Variants in PATJ observed in about 807,000 individuals in gnomAD.
PATJ encodes inaD-like protein.
Under a neutral mutation model 224.9 loss-of-function variants are expected in PATJ, and 190 were observed. The ratio of observed to expected loss-of-function variants is 0.84; its 90% CI spans 0.75 to 0.95. The LOEUF is 0.95. Ranked by LOEUF, PATJ falls within the 40% of genes least tolerant of loss-of-function variation. PATJ has a pLI of 0.00. For synonymous variants in PATJ, 769 were observed against 820.3 expected, an observed-to-expected ratio of 0.94 and a Z score of 1.07; for missense variants, 2,121 against 2,270.3, an observed-to-expected ratio of 0.93 and a Z score of 1.34.
At chr1:61,849,472 G>A (rs1662478519) in intron 17 of PATJ, among the ~76,000 whole-genome samples, 1 of 152,014 alleles carries the variant, frequency 6.6e-6, no homozygotes, top group African/African-American at 2.4e-5. Context: ...GTACACTTGT[G>A]GTCCCAGCTA....
intron 13 of PATJ, among the ~76,000 whole-genome samples, chr1:61,807,049 G>A (rs1653718406): frequency 6.6e-6 from 1 of 152,096 alleles, no homozygotes; most frequent in Non-Finnish European, 1.5e-5. Context: ...CTACTCAGGA[G>A]GCTGAGGCAG....
At chr1:62,159,855 T>C (rs1319921797) in intron 43 of PATJ, among the ~76,000 whole-genome samples, 2 of 152,118 alleles carry the variant, frequency 1.3e-5, no homozygotes, top group Non-Finnish European at 2.9e-5. Context: ...GTTTTGAATA[T>C]TCTTTATTGC....
rs776382022 is a variant in PATJ, at chr1:62,007,943, A to C, written c.3868-9913A>C. The stretch of plus-strand genomic sequence containing the variant: ...GCAGAGGGACATAAAAATTCAGCCC[A>C]TAACAATAGCTTCACCAAAAAAGTA... On this transcript the variant is annotated intron_variant, in intron 28 of 43. Coordinates refer to ENST00000642238, the MANE Select transcript of PATJ (RefSeq NM_001350145.3). Among the ~76,000 whole-genome samples, 85 of 152,222 alleles carry C rather than the reference A, an allele frequency of 5.6e-4. 1 individual carries two copies. The highest frequency in any genetic ancestry group is 1.1e-3 in the Non-Finnish European group (73 of 68,040).
intron 27 of PATJ, among the ~76,000 whole-genome samples, chr1:61,937,822 G>A (rs944489234): frequency 1.3e-5 from 2 of 152,050 alleles, no homozygotes; most frequent in Non-Finnish European, 1.5e-5. Context: ...GGCTAATTTT[G>A]TGTTTTTAGT....
intron 20 of PATJ, among the ~76,000 whole-genome samples, chr1:61,873,885 T>C (rs993162421): frequency 3.3e-5 from 5 of 152,196 alleles, no homozygotes; most frequent in Non-Finnish European, 7.3e-5. Context: ...CCTGGCCTCT[T>C]CAGCTGCTGT....
intron 27 of PATJ, among the ~76,000 whole-genome samples, chr1:61,976,910 A>G (rs1273366488): frequency 6.6e-6 from 1 of 151,948 alleles, no homozygotes; most frequent in Admixed American, 6.6e-5. Flanking sequence ...CATTTTATTC[A>G]TACACATGCA....
In PATJ at chr1:61,797,224, T is replaced by C. The variant is rs2148556163; in HGVS notation, c.1261-63T>C. The C allele has an allele frequency of 5.9e-6, 9 of 1,538,212 alleles. No homozygotes were observed. The South Asian group carries it at 1.1e-4, about 18-fold the overall frequency. On this transcript the variant is annotated intron_variant, in intron 10 of 43. Coordinates refer to ENST00000642238, the MANE Select transcript of PATJ (RefSeq NM_001350145.3). ...GAAATTGCCTCATTTTATTCAGTGT[T>C]GCCAGAGCTAAAAATAGTAGCTAAT...
At position 61,997,982 on chromosome 1, in the gene PATJ, T is replaced by TTTTATATATATA. The variant is rs374175697; in HGVS notation, c.3867+7619_3867+7620insTTATATATATAT. On this transcript the variant is annotated intron_variant, in intron 28 of 43. Coordinates refer to ENST00000642238, the MANE Select transcript of PATJ (RefSeq NM_001350145.3). Reference sequence around the variant, plus strand: ...ATAGGTGCATGCCACTGTGCCCAGCTTATATATGTATATATAATATATTAT... The same window carrying TTTTATATATATA: ...ATAGGTGCATGCCACTGTGCCCAGCTTTTATATATATATATATATGTATATATAATATATTAT... Among the ~76,000 whole-genome samples the TTTTATATATATA allele has an allele frequency of 3.0e-3, 352 of 118,276 alleles. 8 individuals are homozygous for TTTTATATATATA. Among genetic ancestry groups the TTTTATATATATA allele is most frequent in the African/African-American group, 0.011 (284 of 25,460 alleles). The allele number at this position is 118,276 out of a possible 152,430, so 77.6% of individuals were successfully genotyped here.
In PATJ at chr1:62,080,924, G is replaced by A. The variant is rs74076515; in HGVS notation, c.4243+1357G>A. ...GTGTATGGTCTACAAGCTAAAAAAG[G>A]TGTTCACTTTTTAAAGGTTGAAAAA... On this transcript the variant is annotated intron_variant, in intron 32 of 43. Transcript: ENST00000642238. 1.4e-3 allele frequency among the ~76,000 whole-genome samples: 215 copies of A among 152,194 alleles called. 1 individual carries two copies. The highest frequency in any genetic ancestry group is 5.0e-3 in the African/African-American group (207 of 41,522).
Position 61,787,741 on chromosome 1 carries a change from C to G in PATJ, c.850-13C>G. ...CATTTATTTCTCAAAATAATTTTGT[C>G]TTTTTCTTGAAGGATGGAAGACTCC... On this transcript the variant is annotated splice_polypyrimidine_tract_variant and intron_variant, in intron 7 of 43. Coordinates refer to ENST00000642238, the MANE Select transcript of PATJ (RefSeq NM_001350145.3). 2 of 1,594,662 alleles carry G rather than the reference C, an allele frequency of 1.3e-6. No homozygotes were observed. Among genetic ancestry groups the G allele is most frequent in the Non-Finnish European group, 1.7e-6 (2 of 1,162,780 alleles).
chr1:61,751,036 C>G (rs1645293900), intron 1 of PATJ, among the ~76,000 whole-genome samples: 1 of 144,430 alleles, frequency 6.9e-6, no homozygotes, highest in African/African-American at 2.6e-5. Context: ...GTCTCACACT[C>G]TGTTGCCCAG....
chr1:61,983,495 CTT>C (rs1644560302), intron 27 of PATJ, among the ~76,000 whole-genome samples: 1 of 151,970 alleles, frequency 6.6e-6, no homozygotes. Context: ...AAAGAGGAAA[CTT>C]TTACTTCTTT....
chr1:62,075,496 A>C (rs1447757870), intron 31 of PATJ, among the ~76,000 whole-genome samples: 1 of 152,246 alleles, frequency 6.6e-6, no homozygotes, highest in Non-Finnish European at 1.5e-5. Context: ...TGGGGCGGTC[A>C]AGTGACTTGT....
chr1:61,836,951 G>A (rs1171235609), intron 17 of PATJ, among the ~76,000 whole-genome samples: 1 of 152,172 alleles, frequency 6.6e-6, no homozygotes, highest in Non-Finnish European at 1.5e-5. Context: ...GAACTTTTAC[G>A]TTGTAAAGGG....
At chr1:61,816,410 ACAAAT>A (rs1049028565) in intron 14 of PATJ, 5 of 152,218 alleles carry the variant, frequency 3.3e-5, no homozygotes, top group African/African-American at 1.2e-4. Context: ...GAATTAGGAA[ACAAAT>A]CATATGCTTG....
chr1:61,782,859 A>G (rs1647629222), intron 7 of PATJ, among the ~76,000 whole-genome samples: 1 of 152,162 alleles, frequency 6.6e-6, no homozygotes, highest in Non-Finnish European at 1.5e-5. Context: ...AAAACCCTTG[A>G]AGTGCAGAAA....
At position 61,899,658 on chromosome 1, in the gene PATJ, T is replaced by C; in HGVS notation, c.3203+4T>C. 6.3e-7 allele frequency: 1 copy of C among 1,596,974 alleles called. No homozygotes were observed. The highest frequency in any genetic ancestry group is 8.5e-7 in the Non-Finnish European group (1 of 1,169,940). Reference sequence around the variant, plus strand: ...GCCACTGGGGTCCACCGAGAATGTATGTGGATGACATTATTGTGGCTTTCT... The same window carrying C: ...GCCACTGGGGTCCACCGAGAATGTACGTGGATGACATTATTGTGGCTTTCT... On this transcript the variant is annotated splice_donor_region_variant and intron_variant, in intron 23 of 43. Coordinates refer to ENST00000642238, the MANE Select transcript of PATJ (RefSeq NM_001350145.3).
chr1:62,067,578 C>T (rs902612511), intron 31 of PATJ, among the ~76,000 whole-genome samples: 1 of 152,160 alleles, frequency 6.6e-6, no homozygotes, highest in African/African-American at 2.4e-5. Context: ...TTACTATGGC[C>T]TACATGCAGG....
At chr1:62,073,951 A>G (rs1657865599) in intron 31 of PATJ, among the ~76,000 whole-genome samples, 1 of 151,936 alleles carries the variant, frequency 6.6e-6, no homozygotes, top group African/African-American at 2.4e-5. Context: ...AGAACTATAA[A>G]CTTTTATCAC....
Sources: allele counts gnomAD v4.1 joint callset (sites outside exome capture counted in the v4.1 genomes callset), GRCh38; gene constraint gnomAD v4.1.1; transcripts MANE v1.5; gene names NCBI Gene and HGNC (gene_info 2026-07-23, HGNC 2026-07-21).